Variants in STIM2 observed in about 807,000 individuals in gnomAD.
STIM2 encodes stromal interaction molecule 2.
Under a neutral mutation model 85.8 loss-of-function variants are expected in STIM2, and 31 were observed. That is an observed-to-expected ratio of 0.36 (90% CI 0.27 to 0.49). The LOEUF is 0.49. Ranked by LOEUF, STIM2 falls within the 20% of genes least tolerant of loss-of-function variation. The pLI is 0.98. For synonymous variants in STIM2, 356 were observed against 331.1 expected, an observed-to-expected ratio of 1.08 and a Z score of -0.82; for missense variants, 841 against 927.6, an observed-to-expected ratio of 0.91 and a Z score of 1.21.
chr4:26,885,321 G>A (rs181275087), intron 1 of STIM2, among the ~76,000 whole-genome samples: 8 of 152,106 alleles, frequency 5.3e-5, no homozygotes, highest in Non-Finnish European at 7.4e-5. Flanking sequence ...CACCCAGATC[G>A]AGAAACATAA....
chr4:26,902,187 T>C (rs1174949916), intron 1 of STIM2, among the ~76,000 whole-genome samples: 2 of 152,074 alleles, frequency 1.3e-5, no homozygotes, highest in African/African-American at 2.4e-5. Flanking sequence ...AGGGAGACCA[T>C]TACAGGAACA....
At chr4:26,871,165 C>A (rs1722597231) in intron 1 of STIM2, among the ~76,000 whole-genome samples, 1 of 152,148 alleles carries the variant, frequency 6.6e-6, no homozygotes, top group South Asian at 2.1e-4. Context: ...TTTTGCCAGG[C>A]ATTTTGTATG....
intron 1 of STIM2, among the ~76,000 whole-genome samples, chr4:26,884,815 G>A (rs1165798712): frequency 6.6e-6 from 1 of 152,144 alleles, no homozygotes. Flanking sequence ...TTATGGGGTA[G>A]ATCCGTATCT....
chr4:26,864,793 A>T (rs1722335978), intron 1 of STIM2, among the ~76,000 whole-genome samples: 1 of 152,164 alleles, frequency 6.6e-6, no homozygotes, highest in East Asian at 1.9e-4. Flanking sequence ...AGCATTTAGA[A>T]TGGCCACTTT....
At chr4:26,968,398 T>C (rs1234347740) in intron 3 of STIM2, among the ~76,000 whole-genome samples, 2 of 152,160 alleles carry the variant, frequency 1.3e-5, no homozygotes, top group Non-Finnish European at 2.9e-5. Context: ...GAGAACATTA[T>C]GCTAAGTGAA....
intron 1 of STIM2, among the ~76,000 whole-genome samples, chr4:26,895,038 T>C (rs1288267985): frequency 6.6e-6 from 1 of 152,148 alleles, no homozygotes; most frequent in African/African-American, 2.4e-5. Context: ...ATGGTGAAAC[T>C]TCGTCTCTAC....
chr4:26,973,613 G>A (rs1205422535), intron 3 of STIM2, among the ~76,000 whole-genome samples: 2 of 151,922 alleles, frequency 1.3e-5, no homozygotes, highest in Non-Finnish European at 2.9e-5. Flanking sequence ...GCAGTTTTTT[G>A]TGATTTCTGT....
At chr4:27,020,790 A>C (rs1037179064) in intron 11 of STIM2, among the ~76,000 whole-genome samples, 3 of 152,186 alleles carry the variant, frequency 2.0e-5, no homozygotes, top group African/African-American at 7.2e-5. Context: ...AGTCCTTGCT[A>C]TGAGAGGTGC....
At chr4:26,952,363 C>G (rs1157328057) in intron 2 of STIM2, among the ~76,000 whole-genome samples, 1 of 152,076 alleles carries the variant, frequency 6.6e-6, no homozygotes. Flanking sequence ...TAGTACCTCA[C>G]ACTGTCTTCA....
In STIM2 at chr4:26,879,829, A is replaced by G. The variant is rs577334017; in HGVS notation, c.151+18460A>G. On this transcript the variant is annotated intron_variant, in intron 1 of 11. Transcript: ENST00000467087. ...GTATACTTGATTGTTCTGGGCCCTC[A>G]TCGCCCACATTCTGACCTCCTGCCA... Among the ~76,000 whole-genome samples, 207 of 152,254 alleles carry G rather than the reference A, an allele frequency of 1.4e-3. 1 individual carries two copies. Among genetic ancestry groups the G allele is most frequent in the African/African-American group, 4.6e-3 (190 of 41,546 alleles).
chr4:26,873,664 T>A, intron 1 of STIM2: 2 of 692,302 alleles, frequency 2.9e-6, no homozygotes, highest in South Asian at 2.9e-5. Context: ...GACGCTCATG[T>A]CACCACTCTC....
intron 7 of STIM2, among the ~76,000 whole-genome samples, chr4:27,003,986 CTT>C (rs1728247517): frequency 6.6e-6 from 1 of 152,184 alleles, no homozygotes; most frequent in Non-Finnish European, 1.5e-5. Context: ...GATTATAAAA[CTT>C]GCTCAAAATT....
intron 2 of STIM2, among the ~76,000 whole-genome samples, chr4:26,940,136 G>A (rs1392906572): frequency 6.6e-6 from 1 of 152,166 alleles, no homozygotes; most frequent in Non-Finnish European, 1.5e-5. Context: ...CCCCTTGAGT[G>A]CTGGTTTACT....
chr4:27,003,995 A>G, intron 7 of STIM2, among the ~76,000 whole-genome samples: 1 of 152,170 alleles, frequency 6.6e-6, no homozygotes, highest in East Asian at 1.9e-4. Context: ...ACTTGCTCAA[A>G]ATTAGAGGTG....
chr4:26,940,498 C>T (rs1725571909), intron 2 of STIM2, among the ~76,000 whole-genome samples: 1 of 152,160 alleles, frequency 6.6e-6, no homozygotes, highest in Non-Finnish European at 1.5e-5. Context: ...GGACCCATCA[C>T]TGCCTTCCTT....
chr4:26,934,951 T>TATTTATAC (rs1435493644), intron 2 of STIM2, among the ~76,000 whole-genome samples: 2 of 150,588 alleles, frequency 1.3e-5, no homozygotes, highest in African/African-American at 4.9e-5. Context: ...AAAGTTCACT[T>TATTTATAC]ATTTATACTA....
chr4:27,004,087 G>GTGCTAAATAAGAAA (rs1360995594), intron 7 of STIM2, among the ~76,000 whole-genome samples: 3 of 152,190 alleles, frequency 2.0e-5, no homozygotes, highest in Non-Finnish European at 4.4e-5. Context: ...TCTTAATAGA[G>GTGCTAAATAAGAAA]TGCTAAATAA....
Position 27,023,169 on chromosome 4 carries a change from T to C in STIM2, c.*173T>C. The C allele has an allele frequency of 1.6e-6, 1 of 637,990 alleles. No individual in the cohort carries two copies. Among genetic ancestry groups the C allele is most frequent in the African/African-American group, 1.8e-5 (1 of 54,796 alleles). 39.5% of individuals were successfully genotyped at this position (637,990 alleles called of 1,614,324 possible). A position where few individuals can be genotyped will look rare whatever the true frequency, so the allele number is the denominator to read the frequency against. ...AGGGCAACTGTCTACTGTCTGCTTA[T>C]TTAAGTGACTATATATAATCAATTC... On this transcript the variant is annotated 3_prime_UTR_variant, in exon 12 of 12. Transcript: ENST00000467087.
intron 1 of STIM2, among the ~76,000 whole-genome samples, chr4:26,916,512 C>A (rs1724586637): frequency 6.6e-6 from 1 of 152,136 alleles, no homozygotes; most frequent in Admixed American, 6.5e-5. Flanking sequence ...CCATTGTCAC[C>A]AGAGTTATCA....
Sources: allele counts gnomAD v4.1 joint callset (sites outside exome capture counted in the v4.1 genomes callset), GRCh38; gene constraint gnomAD v4.1.1; transcripts MANE v1.5; gene names NCBI Gene and HGNC (gene_info 2026-07-23, HGNC 2026-07-21).